Variants in PXDNL observed in about 807,000 individuals in gnomAD.
PXDNL encodes peroxidasin like.
Under a neutral mutation model 150.8 loss-of-function variants are expected in PXDNL, and 145 were observed. That is an observed-to-expected ratio of 0.96 (90% CI 0.84 to 1.10). The LOEUF (loss-of-function observed/expected upper bound fraction) is 1.10, where lower values mean the gene tolerates loss of function less well. Among genes scored for constraint, PXDNL ranks in the 50% least tolerant of loss-of-function variants. PXDNL has a pLI of 0.00. For synonymous variants in PXDNL, 757 were observed against 725.7 expected (o/e 1.04, Z -0.69); for missense variants, 2,087 against 1,873.9 (o/e 1.11, Z -2.10).
chr8:51,607,122 A>C (rs1385128795), intron 2 of PXDNL, among the ~76,000 whole-genome samples: 1 of 152,196 alleles, frequency 6.6e-6, no homozygotes, highest in Non-Finnish European at 1.5e-5. Context: ...CTTTAACTGA[A>C]CACTTTAGAA....
intron 5 of PXDNL, among the ~76,000 whole-genome samples, chr8:51,486,827 G>A (rs1301480757): frequency 2.7e-4 from 20 of 74,828 alleles, no homozygotes; most frequent in African/African-American, 1.0e-3. Flanking sequence ...TTTTTGAGAC[G>A]GAGTCTCACT....
At chr8:51,526,790 A>G (rs1811779710) in intron 4 of PXDNL, among the ~76,000 whole-genome samples, 1 of 152,130 alleles carries the variant, frequency 6.6e-6, no homozygotes, top group Non-Finnish European at 1.5e-5. Context: ...TTACCTCTCT[A>G]TCCTGATGAC....
At chr8:51,372,263 T>G (rs1378199954) in intron 18 of PXDNL, among the ~76,000 whole-genome samples, 182 bp from the exon 19 acceptor site, 5 of 152,228 alleles carry the variant, frequency 3.3e-5, no homozygotes, top group African/African-American at 1.2e-4. Context: ...CATTCTTAAA[T>G]CACATTCTTC....
intron 1 of PXDNL, among the ~76,000 whole-genome samples, chr8:51,722,985 G>A (rs1816758448): frequency 1.3e-5 from 2 of 152,040 alleles, no homozygotes; most frequent in South Asian, 2.1e-4. Context: ...TGGCACTCAA[G>A]GGGTCTCAGG....
chr8:51,426,902 G>A, intron 12 of PXDNL, 144 bp from the exon 13 acceptor site: 1 of 576,872 alleles, frequency 1.7e-6, no homozygotes, highest in Non-Finnish European at 3.1e-6. Context: ...ACGTCTAGGG[G>A]AATAACAAGC....
At chr8:51,635,680 C>T (rs192174218) in intron 2 of PXDNL, among the ~76,000 whole-genome samples, 290 of 151,774 alleles carry the variant, frequency 1.9e-3, no homozygotes, top group African/African-American at 6.5e-3. Flanking sequence ...GAGTGGGGGG[C>T]GAAGTACTTT....
At chr8:51,322,328 GA>G (rs34244992) in intron 21 of PXDNL, among the ~76,000 whole-genome samples, 51,115 of 148,500 alleles carry the variant, frequency 0.34, 10,304 homozygotes, top group African/African-American at 0.57. Flanking sequence ...CAGGCAAATG[GA>G]AAAAAAAAAA....
chr8:51,482,754 C>T (rs1054541571), intron 6 of PXDNL, among the ~76,000 whole-genome samples: 1 of 152,162 alleles, frequency 6.6e-6, no homozygotes, highest in Non-Finnish European at 1.5e-5. Flanking sequence ...CATTCCTTTG[C>T]TCTCTCTTCA....
At chr8:51,573,833 G>C (rs568004009) in intron 3 of PXDNL, among the ~76,000 whole-genome samples, 3 of 152,042 alleles carry the variant, frequency 2.0e-5, no homozygotes, top group Admixed American at 6.6e-5. Context: ...CTTTAAAGAA[G>C]AAATTAAGGT....
At chr8:51,610,309 G>A (rs754281234) in intron 2 of PXDNL, among the ~76,000 whole-genome samples, 4 of 152,110 alleles carry the variant, frequency 2.6e-5, no homozygotes, top group Non-Finnish European at 5.9e-5. Flanking sequence ...ACCATCCATA[G>A]TTCTGGAGCT....
intron 1 of PXDNL, among the ~76,000 whole-genome samples, chr8:51,766,337 CATT>C (rs143800059): frequency 0.02 from 2,986 of 152,248 alleles, 95 homozygotes; most frequent in African/African-American, 0.067. Context: ...AGCATTTTGT[CATT>C]ATTATTTTAT....
chr8:51,442,223 T>C (rs1274692659), intron 12 of PXDNL, among the ~76,000 whole-genome samples: 1 of 151,332 alleles, frequency 6.6e-6, no homozygotes, highest in Non-Finnish European at 1.5e-5. Flanking sequence ...AATTTGTGGG[T>C]TACATATTGT....
At chr8:51,590,328 G>A (rs957166243) in intron 3 of PXDNL, among the ~76,000 whole-genome samples, 16 of 152,104 alleles carry the variant, frequency 1.1e-4, no homozygotes, top group African/African-American at 3.9e-4. Flanking sequence ...TCCACAGAGA[G>A]TGCTCACTAG....
intron 19 of PXDNL, among the ~76,000 whole-genome samples, chr8:51,350,543 C>T (rs1334545528): frequency 6.6e-6 from 1 of 151,720 alleles, no homozygotes; most frequent in African/African-American, 2.4e-5. Context: ...TTAGTAGAGA[C>T]GGGGTTTCAC....
chr8:51,553,740 TTATATATATA>T (rs747698313), intron 4 of PXDNL, among the ~76,000 whole-genome samples: 97 of 112,922 alleles, frequency 8.6e-4, no homozygotes, highest in South Asian at 5.5e-4. Flanking sequence ...GTGAGGGATT[TTATATATATA>T]TATATATATA....
intron 1 of PXDNL, among the ~76,000 whole-genome samples, chr8:51,682,451 T>A (rs1815772175): frequency 6.6e-6 from 1 of 152,126 alleles, no homozygotes; most frequent in African/African-American, 2.4e-5. Context: ...GCCCTTGTAA[T>A]TGGTACGGTG....
At chr8:51,599,827 C>T (rs889873603) in intron 2 of PXDNL, among the ~76,000 whole-genome samples, 4 of 138,634 alleles carry the variant, frequency 2.9e-5, no homozygotes, top group Admixed American at 7.4e-5. Context: ...TAAATGACAT[C>T]GTTTAGATAA....
At chr8:51,603,013 AT>A (rs1202275002) in intron 2 of PXDNL, among the ~76,000 whole-genome samples, 1 of 151,528 alleles carries the variant, frequency 6.6e-6, no homozygotes, top group East Asian at 1.9e-4. Context: ...TTGAATTAAT[AT>A]TTTTTCCAAA....
At chr8:51,438,924 C>G (rs543753176) in intron 12 of PXDNL, among the ~76,000 whole-genome samples, 1 of 152,198 alleles carries the variant, frequency 6.6e-6, no homozygotes, top group East Asian at 1.9e-4. Context: ...AAAATCAACA[C>G]GAGATTGATC....
Sources: allele counts gnomAD v4.1 joint callset (sites outside exome capture counted in the v4.1 genomes callset), GRCh38; gene constraint gnomAD v4.1.1; transcripts MANE v1.5; gene names NCBI Gene and HGNC (gene_info 2026-07-23, HGNC 2026-07-21).